The following BCAS3 variants were observed in gnomAD, a reference collection of about 807,000 sequenced individuals.
BCAS3 encodes BCAS4/BCAS3 fusion.
A neutral mutation model predicts 116.1 loss-of-function variants in BCAS3; 53 were observed. The ratio of observed to expected loss-of-function variants is 0.46; its 90% confidence interval spans 0.37 to 0.57. The LOEUF is 0.57. BCAS3 is among the 20% of genes least tolerant of loss of function. The pLI is 0.00. For missense variants in BCAS3, 917 were observed against 1,165.4 expected, an observed-to-expected ratio of 0.79 and a Z score of 3.10; for synonymous variants, 391 against 408.2, an observed-to-expected ratio of 0.96 and a Z score of 0.51.
rs757797582 is a variant in BCAS3, at chr17:60,990,102, A to G, written c.1353A>G (p.Val451=). Residue 451 remains valine, a synonymous_variant, in exon 15 of 24, where the codon GTA becomes GTG. Transcript: ENST00000407086. This position sits in a 1 kb window ranked among gnomAD's most constrained non-coding sequence, Gnocchi z 5.1. ...TTCGTACACATATGTCACCACGAGT[A>G]GTGAATCGCATGAGCCGTTTCCAGA... The part of the protein sequence containing the change: ...PCVRTHMSPR[V]VNRMSRFQKS... 15 of 1,614,076 alleles carry G rather than the reference A, an allele frequency of 9.3e-6. No homozygotes were observed.
In BCAS3 at chr17:61,368,157, C is replaced by T. The variant is rs1167501610; in HGVS notation, c.2426-170C>T. On this transcript the variant is annotated intron_variant, in intron 22 of 23. Coordinates refer to ENST00000407086, the MANE Select transcript of BCAS3 (RefSeq NM_017679.5). The surrounding 1 kb of genome is among the most constrained non-coding windows in gnomAD (Gnocchi z 6.0). ...ACTCCAGAGGTCTGCACTCTCTCAG[C>T]GGCATGAGCTATTTCTCCTGCGCTA... The T allele has an allele frequency of 1.7e-5, 10 of 592,436 alleles. No individual in the cohort carries two copies. Among genetic ancestry groups the T allele is most frequent in the South Asian group, 6.2e-5 (2 of 32,084 alleles). The allele number at this position is 592,436 out of a possible 1,614,324, so 36.7% of individuals were successfully genotyped here. A position where few individuals can be genotyped will look rare whatever the true frequency, so the allele number is the denominator to read the frequency against.
At chr17:61,384,131 C>T (rs1195568471) in intron 23 of BCAS3, among the ~76,000 whole-genome samples, 4 of 152,210 alleles carry the variant, frequency 2.6e-5, no homozygotes, top group African/African-American at 7.2e-5. Flanking sequence ...AGAGTGGTGG[C>T]GTGGCAGCAC....
chr17:61,034,624 T>C lies in BCAS3; in HGVS notation c.1638-42T>C, dbSNP rs1030270477. The C allele has an allele frequency of 3.3e-6, 5 of 1,530,588 alleles. No individual in the cohort carries two copies. Among genetic ancestry groups the C allele is most frequent in the Non-Finnish European group, 4.5e-6 (5 of 1,115,812 alleles). The allele number at this position is 1,530,588 out of a possible 1,614,324, so 94.8% of individuals were successfully genotyped here. A position where few individuals can be genotyped will look rare whatever the true frequency, so the allele number is the denominator to read the frequency against. On this transcript the variant is annotated intron_variant, in intron 16 of 23. Coordinates refer to ENST00000407086, the MANE Select transcript of BCAS3 (RefSeq NM_017679.5). The surrounding 1 kb of genome is among the most constrained non-coding windows in gnomAD (Gnocchi z 5.0). Reference sequence around the variant, plus strand: ...TGTCATTACCTAAAGGAGTATCATTTCATCATGATAATTGTTTTTTACTCT... The same window carrying C: ...TGTCATTACCTAAAGGAGTATCATTCCATCATGATAATTGTTTTTTACTCT...
chr17:60,777,498 C>T (rs1031606240), intron 6 of BCAS3, among the ~76,000 whole-genome samples: 4 of 151,368 alleles, frequency 2.6e-5, no homozygotes, highest in Admixed American at 2.0e-4. Context: ...TGGTGGTGGG[C>T]GCCTGTAATC....
chr17:61,070,343 C>T, intron 19 of BCAS3: 1 of 668,054 alleles, frequency 1.5e-6, no homozygotes, highest in African/African-American at 1.9e-5. Flanking sequence ...ATCATCTAAA[C>T]TGAGTCCAGC....
chr17:60,976,862 C>T (rs373593196), intron 14 of BCAS3, among the ~76,000 whole-genome samples: 1 of 152,240 alleles, frequency 6.6e-6, no homozygotes, highest in African/African-American at 2.4e-5. Flanking sequence ...CAGTAACAAT[C>T]TGATCTCTCT....
intron 6 of BCAS3, among the ~76,000 whole-genome samples, chr17:60,799,399 C>T (rs998478516): frequency 6.6e-6 from 1 of 152,096 alleles, no homozygotes; most frequent in African/African-American, 2.4e-5. Flanking sequence ...CAAAGATCTC[C>T]CTTATGCTAC....
chr17:60,851,776 T>C (rs2053191697), intron 7 of BCAS3: 1 of 1,112,228 alleles, frequency 9.0e-7, no homozygotes, highest in Admixed American at 1.7e-5. Flanking sequence ...CAGTGGTCCC[T>C]GTCTCCCTTC....
At chr17:60,832,264 T>C (rs2051005258) in intron 7 of BCAS3, among the ~76,000 whole-genome samples, 2 of 152,204 alleles carry the variant, frequency 1.3e-5, no homozygotes, top group Non-Finnish European at 2.9e-5. Flanking sequence ...CTGGCAGGAC[T>C]CTACACATGG....
chr17:60,874,282 G>A (rs2055388972), intron 8 of BCAS3, among the ~76,000 whole-genome samples: 1 of 151,796 alleles, frequency 6.6e-6, no homozygotes, highest in Admixed American at 6.6e-5. Flanking sequence ...TTGTTGCCCA[G>A]GCTGGTCTCA....
intron 2 of BCAS3, among the ~76,000 whole-genome samples, chr17:60,680,815 AT>A (rs988795934): frequency 3.9e-5 from 6 of 151,982 alleles, no homozygotes; most frequent in African/African-American, 1.4e-4. Context: ...GCCTGGCCAA[AT>A]TTTGTATTTT....
rs1259199517 is a variant in BCAS3 at position 61,339,755 on chromosome 17, G to A, written c.2426-28572G>A. Among the ~76,000 whole-genome samples, 6 of 148,540 alleles carry A rather than the reference G, an allele frequency of 4.0e-5. No homozygotes were observed. The Admixed American group carries it at 4.0e-4, about 10-fold the overall frequency. ...TACTCCAGTCGGGGCGACAAAGCGA[G>A]ACCCCATCTAAAAAAAAAAAAAAAA... On this transcript the variant is annotated intron_variant, in intron 22 of 23. Coordinates refer to ENST00000407086, the MANE Select transcript of BCAS3 (RefSeq NM_017679.5). This position sits in a 1 kb window ranked among gnomAD's most constrained non-coding sequence, Gnocchi z 4.4.
chr17:61,025,402 C>T (rs1018753332), intron 16 of BCAS3, among the ~76,000 whole-genome samples: 3 of 151,972 alleles, frequency 2.0e-5, no homozygotes, highest in Non-Finnish European at 2.9e-5. Context: ...CCCAGCCAGA[C>T]CCACAGTGTT....
intron 23 of BCAS3, among the ~76,000 whole-genome samples, chr17:61,373,176 C>T (rs1227034985): frequency 2.0e-5 from 3 of 151,734 alleles, no homozygotes; most frequent in Admixed American, 6.6e-5. Context: ...CTGCAACCTC[C>T]GTCTCTGGGT....
At chr17:60,931,834 A>T (rs760823942) in intron 13 of BCAS3, among the ~76,000 whole-genome samples, 12 of 152,154 alleles carry the variant, frequency 7.9e-5, no homozygotes, top group Non-Finnish European at 1.6e-4. Flanking sequence ...ATACTTTGGG[A>T]GGCCAAGGCA....
chr17:60,685,319 C>T (rs2033851102), intron 3 of BCAS3, among the ~76,000 whole-genome samples: 1 of 151,954 alleles, frequency 6.6e-6, no homozygotes, highest in African/African-American at 2.4e-5. Context: ...TGTGGTGGCG[C>T]ATGCCTGTAA....
At chr17:61,375,246 G>GTGTGCGCGCGCGCGCGCGCGCGCACA (rs1555861733) in intron 23 of BCAS3, among the ~76,000 whole-genome samples, 2 of 150,666 alleles carry the variant, frequency 1.3e-5, no homozygotes, top group African/African-American at 5.0e-5. Context: ...GTGTGTGTGT[G>GTGTGCGCGCGCGCGCGCGCGCGCACA]TGTGTGTGTA....
At chr17:60,989,913 C>A in intron 14 of BCAS3, 58 bp from the exon 15 acceptor site, 1 of 1,558,880 alleles carries the variant, frequency 6.4e-7, no homozygotes, top group Non-Finnish European at 8.8e-7. Flanking sequence ...GTGTGATACT[C>A]TTAGAAAAAT....
At chr17:60,686,992 A>T (rs550288896) in intron 3 of BCAS3, among the ~76,000 whole-genome samples, 1 of 152,326 alleles carries the variant, frequency 6.6e-6, no homozygotes, top group South Asian at 2.1e-4. Context: ...AATTTGCTAT[A>T]AATAAAAATT....
Sources: allele counts gnomAD v4.1 joint callset (sites outside exome capture counted in the v4.1 genomes callset), GRCh38; gene constraint gnomAD v4.1.1; non-coding constraint Gnocchi (gnomAD v3.1); transcripts MANE v1.5; gene names NCBI Gene and HGNC (gene_info 2026-07-23, HGNC 2026-07-21).